HDAC4: variants seen among roughly 807,000 people sequenced by gnomAD.
HDAC4 encodes the protein histone deacetylase 4.
HDAC4 carries 16 observed loss-of-function variants against 135.1 expected under a neutral mutation model. The ratio of observed to expected loss-of-function variants is 0.12; its 90% CI spans 0.08 to 0.18. HDAC4 has a LOEUF of 0.18. HDAC4 is among the 10% of genes least tolerant of loss of function. HDAC4 has a pLI of 1.00. For missense variants in HDAC4, 1,143 were observed against 1,511.8 expected (o/e 0.76, Z 4.05); for synonymous variants, 685 against 653.4 (o/e 1.05, Z -0.74).
intron 2 of HDAC4, among the ~76,000 whole-genome samples, chr2:239,348,821 C>A (rs974165923): frequency 6.6e-6 from 1 of 152,240 alleles, no homozygotes; most frequent in Non-Finnish European, 1.5e-5. Flanking sequence ...CATTAGAAAT[C>A]GTTCTTTAGA....
At chr2:239,330,406 A>G (rs936260887) in intron 2 of HDAC4, among the ~76,000 whole-genome samples, 2 of 152,266 alleles carry the variant, frequency 1.3e-5, no homozygotes, top group Non-Finnish European at 1.5e-5. Flanking sequence ...GCCTGCAGCC[A>G]GCAACCTGGC....
At chr2:239,162,035 C>A in intron 6 of HDAC4, 1 of 436,306 alleles carries the variant, frequency 2.3e-6, no homozygotes, top group Non-Finnish European at 4.7e-6. Flanking sequence ...GACTCCTGGG[C>A]GAGGGGGCGC....
Position 239,099,343 on chromosome 2 carries a change from G to T in HDAC4, c.2233+3433C>A, listed in dbSNP as rs188141206. ...GGCGCACAGAACTGCGTGTGTGCAG[G>T]ACACGGCCTGATGAGCTGATGCTTT... On this transcript the variant is annotated intron_variant, in intron 16 of 26. Transcript: ENST00000543185. Among the ~76,000 whole-genome samples the T allele has an allele frequency of 1.9e-4, 29 of 152,362 alleles. No individual in the cohort carries two copies. The East Asian group carries it at 5.6e-3, about 29-fold the overall frequency.
At position 239,144,523 on chromosome 2, in the gene HDAC4, A is replaced by G. The variant is rs374960732; in HGVS notation, c.865+60T>C. ...CAGAAGCTCCTGAGAGAAATCGCCT[A>G]TGGCAGGAAGGCCTGGCAGAGAGGG... On this transcript the variant is annotated intron_variant, in intron 8 of 26. Coordinates refer to ENST00000543185, the MANE Select transcript of HDAC4 (RefSeq NM_001378414.1). 4.2e-4 allele frequency: 679 copies of G among 1,609,128 alleles called. 1 individual carries two copies. In the African/African-American group the frequency reaches 5.7e-3, roughly 14 times the overall value.
intron 1 of HDAC4, among the ~76,000 whole-genome samples, chr2:239,360,133 G>C (rs547356215): frequency 6.6e-6 from 1 of 152,286 alleles, no homozygotes; most frequent in Non-Finnish European, 1.5e-5. Context: ...CCAGAACACT[G>C]TCCAACCACA....
chr2:239,063,857 C>G (rs1054161596), intron 24 of HDAC4, among the ~76,000 whole-genome samples: 1 of 152,262 alleles, frequency 6.6e-6, no homozygotes, highest in Admixed American at 6.5e-5. Flanking sequence ...TGACCGCCAG[C>G]TCCCTGGCTT....
At chr2:239,373,365 C>T (rs1446775198) in intron 1 of HDAC4, among the ~76,000 whole-genome samples, 1 of 152,180 alleles carries the variant, frequency 6.6e-6, no homozygotes, top group Non-Finnish European at 1.5e-5. Flanking sequence ...CTGCAACGAC[C>T]CCTCTTCCCT....
chr2:239,075,223 C>CAAAAAAA (rs67188784), intron 22 of HDAC4, among the ~76,000 whole-genome samples: 9 of 31,778 alleles, frequency 2.8e-4, no homozygotes, highest in Non-Finnish European at 5.4e-4. Flanking sequence ...GACTCCGTCT[C>CAAAAAAA]AAAAAAAAAA....
At position 239,156,031 on chromosome 2, in the gene HDAC4, T is replaced by A. The variant is rs115869863; in HGVS notation, c.733+621A>T. Among the ~76,000 whole-genome samples, 700 of 152,310 alleles carry A rather than the reference T, an allele frequency of 4.6e-3. 6 individuals are homozygous for A. Among genetic ancestry groups the A allele is most frequent in the African/African-American group, 0.016 (671 of 41,564 alleles). On this transcript the variant is annotated intron_variant, in intron 7 of 26. Transcript: ENST00000543185. ...CCCTGAGAAAGTCACAGAGGGTCCG[T>A]CCTGACTTGCCAGACACTGCTGCAG...
At chr2:239,257,967 T>C (rs1313171977) in intron 2 of HDAC4, among the ~76,000 whole-genome samples, 2 of 152,054 alleles carry the variant, frequency 1.3e-5, no homozygotes, top group Non-Finnish European at 2.9e-5. Flanking sequence ...TAAACAATAG[T>C]TTCAAAGTAG....
intron 21 of HDAC4, 35 bp from the exon 22 acceptor site, chr2:239,081,227 C>T (rs779815030): frequency 2.6e-6 from 4 of 1,562,956 alleles, no homozygotes; most frequent in Admixed American, 1.8e-5. Context: ...ACGTCATGGA[C>T]CCCGAGCGGG....
intron 24 of HDAC4, 109 bp downstream of exon 24, chr2:239,066,613 G>T: frequency 6.9e-7 from 1 of 1,441,262 alleles, no homozygotes; most frequent in Non-Finnish European, 9.7e-7. Flanking sequence ...GCATCCACGT[G>T]GTCAGAGACC....
At chr2:239,060,948 G>T (rs985166112) in intron 24 of HDAC4, among the ~76,000 whole-genome samples, 6 of 152,256 alleles carry the variant, frequency 3.9e-5, no homozygotes, top group African/African-American at 1.4e-4. Context: ...CGCTGTGTGT[G>T]GCCACAGCTC....
intron 6 of HDAC4, among the ~76,000 whole-genome samples, chr2:239,157,557 G>A (rs991900365): frequency 2.0e-5 from 3 of 152,346 alleles, no homozygotes; most frequent in South Asian, 2.1e-4. Context: ...GCTGCCACCC[G>A]GATGACCATC....
At chr2:239,401,469 G>A (rs1019022171), upstream of HDAC4, 5 of 170,198 alleles carry the variant, frequency 2.9e-5, no homozygotes, top group East Asian at 5.7e-4. Context: ...CCGGGGGCCA[G>A]TAGTGGCCGT....
chr2:239,158,178 A>C (rs2042545886), intron 6 of HDAC4, among the ~76,000 whole-genome samples: 1 of 151,826 alleles, frequency 6.6e-6, no homozygotes, highest in Non-Finnish European at 1.5e-5. Flanking sequence ...TCTCATGAAA[A>C]GGTCTGGGGG....
intron 2 of HDAC4, among the ~76,000 whole-genome samples, chr2:239,327,460 A>G (rs2053504632): frequency 6.6e-6 from 1 of 152,248 alleles, no homozygotes; most frequent in South Asian, 2.1e-4. Context: ...CCTCAGCTAC[A>G]ATACGGAAGT....
intron 2 of HDAC4, among the ~76,000 whole-genome samples, chr2:239,348,516 G>C (rs1402105760): frequency 6.6e-6 from 1 of 152,232 alleles, no homozygotes; most frequent in Non-Finnish European, 1.5e-5. Context: ...GTTACTTGGA[G>C]AACTGTCCTT....
intron 19 of HDAC4, among the ~76,000 whole-genome samples, chr2:239,084,728 G>A (rs923442742): frequency 1.1e-3 from 127 of 118,372 alleles, no homozygotes; most frequent in Non-Finnish European, 1.9e-3. Context: ...ACACATACAT[G>A]CCCCACAGAT....
Sources: allele counts gnomAD v4.1 joint callset (sites outside exome capture counted in the v4.1 genomes callset), GRCh38; gene constraint gnomAD v4.1.1; transcripts MANE v1.5; gene names NCBI Gene and HGNC (gene_info 2026-07-23, HGNC 2026-07-21).